Variants in TENM2 observed in about 807,000 individuals in gnomAD.
TENM2 encodes the protein teneurin-2.
In TENM2, 52 loss-of-function variants were observed where a neutral mutation model predicts 245.2. The ratio of observed to expected loss-of-function variants is 0.21; its 90% CI spans 0.17 to 0.27. The LOEUF is 0.27. Ranked by LOEUF, TENM2 falls within the 10% of genes least tolerant of loss-of-function variation. The probability of loss-of-function intolerance (pLI) is 1.00; values close to 1 mark genes in which losing one functional copy is unlikely to be tolerated. For synonymous variants in TENM2, 1,363 were observed against 1,438.9 expected, an observed-to-expected ratio of 0.95 and a Z score of 1.19; for missense variants, 3,046 against 3,666.8, an observed-to-expected ratio of 0.83 and a Z score of 4.37.
intron 2 of TENM2, among the ~76,000 whole-genome samples, chr5:167,577,943 G>C (rs371275218): frequency 6.6e-6 from 1 of 152,198 alleles, no homozygotes; most frequent in East Asian, 1.9e-4. Flanking sequence ...GGACCCTGAG[G>C]AGCCTGTCTT....
At chr5:167,462,620 C>T (rs1766388440) in intron 2 of TENM2, among the ~76,000 whole-genome samples, 1 of 152,008 alleles carries the variant, frequency 6.6e-6, no homozygotes, top group African/African-American at 2.4e-5. Flanking sequence ...TGGCCAATCT[C>T]TTCTCCAACT....
At chr5:167,218,728 A>G in the TENM2 span, among the ~76,000 whole-genome samples, 21 of 152,204 alleles carry the variant, frequency 1.4e-4, no homozygotes, top group Non-Finnish European at 2.6e-4. Flanking sequence ...CCAAAATGTG[A>G]CAGTTGGGAA....
At chr5:168,062,571 C>T (rs886715360) in intron 7 of TENM2, among the ~76,000 whole-genome samples, 2 of 152,072 alleles carry the variant, frequency 1.3e-5, no homozygotes, top group Non-Finnish European at 2.9e-5. Flanking sequence ...CTTACAAAAA[C>T]GTATGTATCA....
intron 12 of TENM2, among the ~76,000 whole-genome samples, chr5:168,146,734 A>G (rs1756119007): frequency 2.0e-5 from 3 of 152,196 alleles, no homozygotes; most frequent in Admixed American, 1.3e-4. Flanking sequence ...TCATCATTTC[A>G]CAGGTGACAA....
chr5:167,149,120 A>G, the TENM2 span, among the ~76,000 whole-genome samples: 18 of 152,204 alleles, frequency 1.2e-4, no homozygotes, highest in East Asian at 3.1e-3. Flanking sequence ...TGCACCCATT[A>G]ACTCGTTATT....
At chr5:167,649,987 T>C (rs1417665547) in intron 2 of TENM2, among the ~76,000 whole-genome samples, 1 of 152,210 alleles carries the variant, frequency 6.6e-6, no homozygotes. Context: ...GAATGATTGA[T>C]AAAGTGGTTA....
At chr5:167,754,874 C>A in intron 2 of TENM2, 1 of 717,140 alleles carries the variant, frequency 1.4e-6, no homozygotes, top group African/African-American at 1.8e-5. Context: ...GAACCTCATG[C>A]TGAGGCTGTC....
rs534949340 is a variant in TENM2, at chr5:167,805,755, G to T, written c.503-70231G>T. Among the ~76,000 whole-genome samples the T allele has an allele frequency of 2.6e-4, 40 of 152,194 alleles. No homozygotes were observed. The South Asian group carries it at 8.1e-3, about 31-fold the overall frequency. On this transcript the variant is annotated intron_variant, in intron 2 of 28. Transcript: ENST00000518659. The stretch of plus-strand genomic sequence containing the variant: ...CCTGATGCCTATTTAATGAGGTGAG[G>T]TGGTGGGCATAGCATCCAGGAACTG...
In TENM2 at chr5:167,590,473, G is replaced by C. The variant is rs138259041; in HGVS notation, c.502+215000G>C. On this transcript the variant is annotated intron_variant, in intron 2 of 28. Transcript: ENST00000518659. ...ACATGAGGATCTAGTTTCTTAAATG[G>C]TTAATCCATTACTAGATATTTGCAC... Among the ~76,000 whole-genome samples, 1,329 of 151,948 alleles carry C rather than the reference G, an allele frequency of 8.7e-3. 24 individuals carry two copies. The highest frequency in any genetic ancestry group is 0.052 in the South Asian group (249 of 4,806).
At chr5:167,096,934 T>C in the TENM2 span, among the ~76,000 whole-genome samples, 2 of 152,086 alleles carry the variant, frequency 1.3e-5, no homozygotes, top group Non-Finnish European at 2.9e-5. Context: ...ATTGTTTGGT[T>C]TTTCTCTTTA....
At chr5:168,081,978 G>A (rs1351583614) in intron 7 of TENM2, among the ~76,000 whole-genome samples, 1 of 152,198 alleles carries the variant, frequency 6.6e-6, no homozygotes, top group African/African-American at 2.4e-5. Context: ...ATGTTGGCCT[G>A]CCTTGCTAGG....
Position 167,654,590 on chromosome 5 carries a change from C to CT in TENM2, c.503-221382dup, listed in dbSNP as rs752856203. On this transcript the variant is annotated intron_variant, in intron 2 of 28. Transcript: ENST00000518659. ...ATACTCATCTGACATATCTCATTCA[C>CT]TTTTTTTTTTTTTTACATTTACTTC... Among the ~76,000 whole-genome samples, 1,400 of 144,394 alleles carry CT rather than the reference C, an allele frequency of 9.7e-3. 8 individuals carry two copies. The highest frequency in any genetic ancestry group is 0.027 in the African/African-American group (1,092 of 39,794). 94.7% of individuals were successfully genotyped at this position (144,394 alleles called of 152,430 possible). A position where few individuals can be genotyped will look rare whatever the true frequency, so the allele number is the denominator to read the frequency against.
chr5:167,443,853 AAGAC>A (rs1765003750), intron 2 of TENM2, among the ~76,000 whole-genome samples: 2 of 152,150 alleles, frequency 1.3e-5, no homozygotes, highest in South Asian at 4.1e-4. Flanking sequence ...AAAATTAAAA[AAGAC>A]AGTTAAATTA....
chr5:166,984,174 A>C, the TENM2 span, among the ~76,000 whole-genome samples: 1 of 152,152 alleles, frequency 6.6e-6, no homozygotes, highest in Admixed American at 6.5e-5. Flanking sequence ...CTTGTAAAAT[A>C]AAGAACTCAT....
At chr5:167,345,102 G>A (rs1347543146) in intron 1 of TENM2, among the ~76,000 whole-genome samples, 1 of 152,160 alleles carries the variant, frequency 6.6e-6, no homozygotes, top group African/African-American at 2.4e-5. Flanking sequence ...CTCCACATTT[G>A]CCTAGTCAGG....
At chr5:167,428,951 CCTT>C (rs1249841429) in intron 2 of TENM2, among the ~76,000 whole-genome samples, 1 of 152,114 alleles carries the variant, frequency 6.6e-6, no homozygotes, top group East Asian at 1.9e-4. Context: ...AAAATAATGT[CCTT>C]CTTCATCAGT....
intron 2 of TENM2, among the ~76,000 whole-genome samples, chr5:167,730,086 C>T (rs1760309787): frequency 6.6e-6 from 1 of 152,158 alleles, no homozygotes; most frequent in African/African-American, 2.4e-5. Flanking sequence ...ATAATGCTTG[C>T]CACGAAACCA....
At chr5:167,853,668 A>G (rs968642569) in intron 2 of TENM2, among the ~76,000 whole-genome samples, 1 of 152,208 alleles carries the variant, frequency 6.6e-6, no homozygotes, top group African/African-American at 2.4e-5. Flanking sequence ...TTAATATGGC[A>G]TGCCTTTCTA....
upstream of TENM2, among the ~76,000 whole-genome samples, chr5:167,280,869 A>T (rs1771018203): frequency 6.6e-6 from 1 of 151,430 alleles, no homozygotes; most frequent in Admixed American, 6.6e-5. Flanking sequence ...GGAACTCACC[A>T]CTGTTGTTCC....
Sources: gnomAD v4.1 joint callset for allele counts (sites outside exome capture counted in the v4.1 genomes callset) on GRCh38, gnomAD v4.1.1 for gene constraint, MANE v1.5 for transcripts, NCBI Gene and HGNC (gene_info 2026-07-23, HGNC 2026-07-21) for gene names.